Variants in SPPL2A observed in about 807,000 individuals in gnomAD.
SPPL2A encodes signal peptide peptidase like 2A.
A neutral mutation model predicts 63.8 loss-of-function variants in SPPL2A; 51 were observed. That is an observed-to-expected ratio of 0.80 (90% CI 0.64 to 1.01). The LOEUF (loss-of-function observed/expected upper bound fraction) is 1.01. SPPL2A is among the 50% of genes least tolerant of loss of function. The pLI is 0.00. For missense variants in SPPL2A, 553 were observed against 622.7 expected (o/e 0.89, Z 1.19); for synonymous variants, 188 against 205.8 (o/e 0.91, Z 0.74).
intron 14 of SPPL2A, among the ~76,000 whole-genome samples, chr15:50,711,063 TA>T (rs1484518651): frequency 6.6e-6 from 1 of 152,182 alleles, no homozygotes; most frequent in Admixed American, 6.5e-5. Context: ...TAATTAGAAC[TA>T]AGACTTCACA....
In SPPL2A at chr15:50,745,773, G is replaced by A. The variant is rs565970356; in HGVS notation, c.584+1722C>T. 1.6e-4 allele frequency among the ~76,000 whole-genome samples: 25 copies of A among 152,000 alleles called. No homozygotes were observed. In the East Asian group the frequency reaches 4.1e-3, roughly 25 times the overall value. ...GGCTAGAAAATATAATTTTTAGGCC[G>A]GGCACGGTAGCTCACGCCTGTAATC... On this transcript the variant is annotated intron_variant, in intron 5 of 14. Transcript: ENST00000261854.
chr15:50,718,141 AT>A (rs573158305), intron 14 of SPPL2A, among the ~76,000 whole-genome samples: 2 of 151,056 alleles, frequency 1.3e-5, no homozygotes, highest in Non-Finnish European at 3.0e-5. Flanking sequence ...CCCGGCTAAT[AT>A]TTTTTTTGTA....
At chr15:50,739,536 T>C in intron 6 of SPPL2A, 144 bp downstream of exon 6, 1 of 510,372 alleles carries the variant, frequency 2.0e-6, no homozygotes, top group Admixed American at 4.2e-5. Flanking sequence ...CCTAACACTC[T>C]GATAATTAAA....
At chr15:50,755,627 CAAAAAAA>C (rs148415568) in intron 1 of SPPL2A, among the ~76,000 whole-genome samples, 133 of 49,488 alleles carry the variant, frequency 2.7e-3, no homozygotes, top group African/African-American at 8.8e-3. Context: ...CACCCTGTCT[CAAAAAAA>C]AAAAAAAAAA....
chr15:50,758,719 T>C (rs184158498), intron 1 of SPPL2A, among the ~76,000 whole-genome samples: 2 of 152,226 alleles, frequency 1.3e-5, no homozygotes, highest in East Asian at 1.9e-4. Flanking sequence ...TTTAAGACCA[T>C]AGGGCATGGT....
chr15:50,711,852 A>G (rs931718080), intron 14 of SPPL2A, among the ~76,000 whole-genome samples: 1 of 152,190 alleles, frequency 6.6e-6, no homozygotes, highest in Non-Finnish European at 1.5e-5. Flanking sequence ...TTTGTCTTTG[A>G]TTATTTCAAA....
intron 14 of SPPL2A, among the ~76,000 whole-genome samples, chr15:50,718,558 A>G (rs2062618630): frequency 6.6e-6 from 1 of 152,186 alleles, no homozygotes; most frequent in Non-Finnish European, 1.5e-5. Context: ...TTACCTTACT[A>G]GTTTAGTCAA....
chr15:50,728,916 C>T (rs983256079), intron 10 of SPPL2A, among the ~76,000 whole-genome samples: 3 of 151,548 alleles, frequency 2.0e-5, no homozygotes, highest in African/African-American at 7.3e-5. Context: ...TGGGTTCAAG[C>T]GATTCTCCTG....
chr15:50,714,648 A>AT (rs869303656), intron 14 of SPPL2A, among the ~76,000 whole-genome samples: 4 of 119,406 alleles, frequency 3.3e-5, no homozygotes, highest in South Asian at 6.2e-4. Flanking sequence ...AAAAAAAAAA[A>AT]TTTTTTTTCT....
intron 8 of SPPL2A, among the ~76,000 whole-genome samples, chr15:50,734,488 T>C (rs1392887782): frequency 1.3e-5 from 2 of 151,898 alleles, no homozygotes; most frequent in African/African-American, 4.8e-5. Flanking sequence ...ATGGAACTCA[T>C]GGAGATAGTA....
At chr15:50,749,780 T>A (rs767205016) in intron 1 of SPPL2A, 34 bp from the exon 2 acceptor site, 3 of 1,286,452 alleles carry the variant, frequency 2.3e-6, no homozygotes, top group South Asian at 2.4e-5. Context: ...AAACTTGCAA[T>A]GTTATGGCTT....
Position 50,720,081 on chromosome 15 carries a change from T to C in SPPL2A, c.1347A>G (p.Ile449Met), listed in dbSNP as rs926490151. ...SSTVAYAIGM[I>M]LTFVVLVLMK... ...TCAGCACCAGAACAACAAATGTAAG[T>C]ATCATGCCAATAGCATAGGCTGCAA... Residue 449 changes from isoleucine (I) to methionine (M), a missense_variant, in exon 14 of 15, where the codon ATA (isoleucine) becomes ATG (methionine). Physicochemically the swap from Ile to Met is conservative, Grantham distance 10. Transcript: ENST00000261854. 47 of 1,612,248 alleles carry C rather than the reference T, an allele frequency of 2.9e-5. No individual in the cohort carries two copies. The highest frequency in any genetic ancestry group is 3.9e-5 in the Non-Finnish European group (46 of 1,179,548).
chr15:50,724,394 G>A (rs1231908761), intron 12 of SPPL2A, among the ~76,000 whole-genome samples: 1 of 152,078 alleles, frequency 6.6e-6, no homozygotes, highest in African/African-American at 2.4e-5. Context: ...GGCTAACACG[G>A]TGAAACCCAG....
At chr15:50,756,646 G>A (rs1329254254) in intron 1 of SPPL2A, among the ~76,000 whole-genome samples, 2 of 152,126 alleles carry the variant, frequency 1.3e-5, no homozygotes, top group African/African-American at 2.4e-5. Context: ...AGCACATTGG[G>A]AAGCTGAGGT....
At chr15:50,759,417 T>C (rs1032859585) in intron 1 of SPPL2A, among the ~76,000 whole-genome samples, 4 of 152,048 alleles carry the variant, frequency 2.6e-5, no homozygotes, top group African/African-American at 9.7e-5. Flanking sequence ...TCTGTCTCTA[T>C]TAAAACATAT....
intron 10 of SPPL2A, among the ~76,000 whole-genome samples, chr15:50,728,583 T>C (rs1015619984): frequency 6.6e-6 from 1 of 151,700 alleles, no homozygotes; most frequent in African/African-American, 2.4e-5. Context: ...CCTGACCTCG[T>C]GATCCGCCCA....
At chr15:50,761,413 C>T (rs1335433789) in intron 1 of SPPL2A, among the ~76,000 whole-genome samples, 2 of 152,008 alleles carry the variant, frequency 1.3e-5, no homozygotes, top group African/African-American at 2.4e-5. Flanking sequence ...GTCAGTAGTT[C>T]GAGAGTAGCC....
In SPPL2A at chr15:50,722,172, C is replaced by T; in HGVS notation, c.1279G>A (p.Asp427Asn). 1 of 1,599,894 alleles carries T rather than the reference C, an allele frequency of 6.3e-7. No homozygotes were observed. The highest frequency in any genetic ancestry group is 8.5e-7 in the Non-Finnish European group (1 of 1,170,544). The change falls in exon 13 of 15, where the codon GAT (aspartate) becomes AAT (asparagine). Residue 427 changes from aspartate to asparagine, a missense_variant. Coordinates refer to ENST00000261854, the MANE Select transcript of SPPL2A (RefSeq NM_032802.4). Reference protein sequence around the residue: ...GLLIAYCRRFDVQTGSSYIYY... With the variant: ...GLLIAYCRRFNVQTGSSYIYY... ...ATGTAAGAAGAACCAGTCTGAACATCAAATCTTCTACAGTATGCAATCAAC... is the reference window on the plus strand; with the variant it reads ...ATGTAAGAAGAACCAGTCTGAACATTAAATCTTCTACAGTATGCAATCAAC...
intron 10 of SPPL2A, among the ~76,000 whole-genome samples, chr15:50,729,770 G>A (rs1173963985): frequency 1.3e-5 from 2 of 152,156 alleles, no homozygotes; most frequent in African/African-American, 4.8e-5. Flanking sequence ...TTGTCTTTAT[G>A]CCATTATAGC....
Sources: gnomAD v4.1 joint callset for allele counts (sites outside exome capture counted in the v4.1 genomes callset) on GRCh38, gnomAD v4.1.1 for gene constraint, MANE v1.5 for transcripts, NCBI Gene and HGNC (gene_info 2026-07-23, HGNC 2026-07-21) for gene names.